Variants in KMT2D observed in about 807,000 individuals in gnomAD.
KMT2D encodes histone-lysine N-methyltransferase 2D.
A neutral mutation model predicts 512.7 loss-of-function variants in KMT2D; 55 were observed. That is an observed-to-expected ratio of 0.11 (90% CI 0.09 to 0.13). The LOEUF is 0.13. Ranked by LOEUF, KMT2D falls within the 10% of genes least tolerant of loss-of-function variation. The pLI, the probability that KMT2D is intolerant of heterozygous loss-of-function variation, is 1.00. For synonymous variants in KMT2D, 2,995 were observed against 2,904.0 expected, an observed-to-expected ratio of 1.03 and a Z score of -1.01; for missense variants, 6,061 against 7,127.9, an observed-to-expected ratio of 0.85 and a Z score of 5.39.
At position 49,050,167 on chromosome 12, in the gene KMT2D, G is replaced by A. The variant is rs1272962159; in HGVS notation, c.3421C>T (p.Pro1141Ser). ...PGSQPEPGQT[P>S]GSLASELKGS... is the part of the protein sequence containing the mutation. ...TTAAGTTCACTAGCCAAACTGCCAG[G>A]GGTCTGTCCAGGCTCTGGCTGTGAA... The change falls in exon 12 of 55, where the codon CCT (proline) becomes TCT (serine). Residue 1141 changes from proline to serine, a missense_variant. Transcript: ENST00000301067. 2 of 1,613,734 alleles carry A rather than the reference G, an allele frequency of 1.2e-6. No individual in the cohort carries two copies. The highest frequency in any genetic ancestry group is 2.2e-5 in the East Asian group (1 of 44,870).
In KMT2D at chr12:49,049,147, C is replaced by T. The variant is rs2120631012; in HGVS notation, c.3978G>A (p.Arg1326=). ...AAGAAGCAGTTGACTTTAGCCGGGC[C>T]CGTCCTCTACCACGTCCTCCATGGG... ...GGAHGGRGRG[R]ARLKSTASSI... Residue 1326 remains arginine, a synonymous_variant, in exon 13 of 55, where the codon CGG becomes CGA. Coordinates refer to ENST00000301067, the MANE Select transcript of KMT2D (RefSeq NM_003482.4). The T allele has an allele frequency of 6.2e-7, 1 of 1,612,032 alleles. No individual in the cohort carries two copies. The highest frequency in any genetic ancestry group is 8.5e-7 in the Non-Finnish European group (1 of 1,178,974).
At chr12:49,035,398 T>A (rs779123292) in intron 35 of KMT2D, among the ~76,000 whole-genome samples, 14 of 152,160 alleles carry the variant, frequency 9.2e-5, no homozygotes, top group Non-Finnish European at 1.6e-4. Context: ...TCCAGAGCTG[T>A]TTTGGGCATC....
At chr12:49,057,592 T>A (rs1313623396) in intron 1 of KMT2D, among the ~76,000 whole-genome samples, 2 of 152,156 alleles carry the variant, frequency 1.3e-5, no homozygotes, top group Admixed American at 6.5e-5. Flanking sequence ...ATACAACTTG[T>A]ACCAAAAATA....
intron 43 of KMT2D, among the ~76,000 whole-genome samples, chr12:49,029,956 T>C (rs567478105): frequency 8.5e-5 from 13 of 152,304 alleles, no homozygotes; most frequent in Admixed American, 3.9e-4. Flanking sequence ...AGTAACACAG[T>C]TGAATGAATG....
intron 6 of KMT2D, 44 bp downstream of exon 6, chr12:49,053,934 T>G: frequency 6.3e-7 from 1 of 1,591,434 alleles, no homozygotes; most frequent in East Asian, 2.2e-5. Context: ...CAAGGCACAT[T>G]TGGTCTCTCA....
At position 49,028,936 on chromosome 12, in the gene KMT2D, A is replaced by G. The variant is rs1164643523; in HGVS notation, c.14274T>C (p.Tyr4758=). ...SIPVFPDTKP[Y]GALGLEVPGK... ...CAGGGACCTCCAGGCCAAGGGCCCC[A>G]TAAGGTTTGGTATCTGGGAAGACTG... is the stretch of plus-strand genomic sequence containing the variant. Residue 4758 remains tyrosine, a synonymous_variant, in exon 46 of 55, where the codon TAT becomes TAC. Coordinates refer to ENST00000301067, the MANE Select transcript of KMT2D (RefSeq NM_003482.4). 4 of 1,613,974 alleles carry G rather than the reference A, an allele frequency of 2.5e-6. No homozygotes were observed. Among genetic ancestry groups the G allele is most frequent in the South Asian group, 1.1e-5 (1 of 91,086 alleles).
In KMT2D at chr12:49,053,558, C is replaced by T. The variant is rs775185224; in HGVS notation, c.757G>A (p.Gly253Arg). Residue 253 changes from glycine to arginine, a missense_variant, in exon 7 of 55, where the codon GGG (glycine) becomes AGG (arginine). Coordinates refer to ENST00000301067, the MANE Select transcript of KMT2D (RefSeq NM_003482.4). ...FCTSCGHHYH[G>R]ACLDTALTAR... ...GTCAGAGCAGTGTCCAGGCAGGCCC[C>T]GTGATAGTGATGCCCACAGCTGGTA... 1.4e-5 allele frequency: 23 copies of T among 1,600,580 alleles called. No individual in the cohort carries two copies. The highest frequency in any genetic ancestry group is 5.4e-5 in the African/African-American group (4 of 74,546).
chr12:49,041,052 T>G lies in KMT2D; in HGVS notation c.6718A>C (p.Thr2240Pro), dbSNP rs766169119. ...PPGTPRHQPS[T>P]PDPFLKPRCP... is the part of the protein sequence containing the mutation. Reference sequence around the variant, plus strand: ...CGGGGTTTGAGGAATGGGTCAGGTGTGGAGGGCTGGTGTCTGGGGGTGCCA... The same window carrying G: ...CGGGGTTTGAGGAATGGGTCAGGTGGGGAGGGCTGGTGTCTGGGGGTGCCA... Residue 2240 changes from threonine (T) to proline (P), a missense_variant, in exon 32 of 55, where the codon ACA becomes CCA. Physicochemically the swap from Thr to Pro is conservative, Grantham distance 38 (BLOSUM62 -1). Transcript: ENST00000301067. The surrounding 1 kb of genome is among the most constrained non-coding windows in gnomAD (Gnocchi z 5.4). 1 of 1,549,404 alleles carries G rather than the reference T, an allele frequency of 6.5e-7. No homozygotes were observed. The highest frequency in any genetic ancestry group is 8.7e-7 in the Non-Finnish European group (1 of 1,148,480).
intron 43 of KMT2D, 104 bp downstream of exon 43, chr12:49,030,176 C>A (rs940129564): frequency 6.1e-6 from 6 of 990,988 alleles, no homozygotes; most frequent in Admixed American, 4.6e-5. Context: ...TGTAAACACA[C>A]AGGACAGCAG....
intron 35 of KMT2D, among the ~76,000 whole-genome samples, chr12:49,036,691 G>T (rs2120471207): frequency 6.6e-6 from 1 of 151,958 alleles, no homozygotes; most frequent in South Asian, 2.1e-4. Flanking sequence ...GTAGAGATGG[G>T]GTTTCATCAT....
In KMT2D at chr12:49,020,532, CCCA is replaced by C. The variant is rs1227356501; in HGVS notation, c.*1245_*1247del. 9.8e-6 allele frequency: 2 copies of C among 205,050 alleles called. No homozygotes were observed. The highest frequency in any genetic ancestry group is 1.5e-4 in the East Asian group (2 of 13,786). The allele number at this position is 205,050 out of a possible 1,614,324, so 12.7% of individuals were successfully genotyped here. A position where few individuals can be genotyped will look rare whatever the true frequency, so the allele number is the denominator to read the frequency against. On this transcript the variant is annotated 3_prime_UTR_variant, in exon 55 of 55. Transcript: ENST00000301067. ...TCACCTCCAGCCGGCTCCCCCATGC[CCCA>C]CAAGACTATGTACAATCCCATGTAT...
Position 49,046,648 on chromosome 12 carries a change from G to A in KMT2D, c.4379C>T (p.Pro1460Leu), listed in dbSNP as rs1262943788. Residue 1460 changes from proline (P) to leucine (L), a missense_variant, in exon 16 of 55, where the codon CCA (proline) becomes CTA (leucine). Transcript: ENST00000301067. This position sits in a 1 kb window ranked among gnomAD's most constrained non-coding sequence, Gnocchi z 4.2. ...ISYHTYCLDP[P>L]LLTVPKGGWK... ...GCCGCCCTTGGGGACGGTGAGCAGT[G>A]GGGGGTCCAGGCAGTATGTGTGGTA... The A allele has an allele frequency of 6.2e-7, 1 of 1,613,680 alleles. No individual in the cohort carries two copies. Among genetic ancestry groups the A allele is most frequent in the Non-Finnish European group, 8.5e-7 (1 of 1,179,706 alleles).
In KMT2D at chr12:49,053,299, T is replaced by A. The variant is rs749467510; in HGVS notation, c.862A>T (p.Met288Leu). 6.2e-7 allele frequency: 1 copy of A among 1,613,930 alleles called. No homozygotes were observed. The highest frequency in any genetic ancestry group is 8.5e-7 in the Non-Finnish European group (1 of 1,179,834). ...ACRKPGNDSK[M>L]LVCETCDKGY... The stretch of plus-strand genomic sequence containing the variant: ...TTGTCACACGTCTCACAAACCAACA[T>A]CTTAGAGTCATTCCCAGGTTTCCTG... The change falls in exon 8 of 55, where the codon ATG becomes TTG. Residue 288 changes from methionine (M) to leucine (L), a missense_variant. By Grantham distance (15) the Met-to-Leu change is conservative. Transcript: ENST00000301067.
At chr12:49,047,478 C>CGT (rs1467690491) in intron 15 of KMT2D, among the ~76,000 whole-genome samples, 1 of 131,352 alleles carries the variant, frequency 7.6e-6, no homozygotes, top group Non-Finnish European at 1.5e-5. Flanking sequence ...AGTACAGTGG[C>CGT]GTGATCTCGG....
chr12:49,025,342 C>T (rs1258933937), intron 49 of KMT2D, among the ~76,000 whole-genome samples: 1 of 152,204 alleles, frequency 6.6e-6, no homozygotes, highest in East Asian at 1.9e-4. Context: ...ATCATATATA[C>T]AACAGTGGTC....
intron 35 of KMT2D, among the ~76,000 whole-genome samples, chr12:49,036,276 T>C (rs1215570262): frequency 6.6e-6 from 1 of 151,970 alleles, no homozygotes. Context: ...TTTCCCACCA[T>C]TGCAGCCTCA....
rs1027933526 is a variant in KMT2D, at chr12:49,033,116, CTGT to C, written c.11586_11588del (p.Gln3863del). Reference sequence around the variant, plus strand: ...CTGCCATGGACCCTTGCTGTTGGTGCTGTTGTTGCTGCTGCTGCTGCTGGGCTG... The same window carrying C: ...CTGCCATGGACCCTTGCTGTTGGTGCTGTTGCTGCTGCTGCTGCTGGGCTG... On this transcript the variant is annotated inframe_deletion, in exon 40 of 55. Transcript: ENST00000301067. 1.9e-6 allele frequency: 3 copies of C among 1,551,498 alleles called. No individual in the cohort carries two copies. Among genetic ancestry groups the C allele is most frequent in the East Asian group, 2.4e-5 (1 of 40,918 alleles).
In KMT2D at chr12:49,022,629, G is replaced by A. The variant is rs975080118; in HGVS notation, c.16299C>T (p.Asn5433=). ...TTTTCTCCCGCCGGTTGGCCACCTC[G>A]TTCCGAATGATGGTGCCAATGTACT... is the stretch of plus-strand genomic sequence containing the variant. The part of the protein sequence containing the change: ...VIEYIGTIIR[N]EVANRREKIY... Residue 5433 remains asparagine (N), a synonymous_variant, in exon 52 of 55, where the codon AAC becomes AAT. Transcript: ENST00000301067. The surrounding 1 kb of genome is among the most constrained non-coding windows in gnomAD (Gnocchi z 8.6). 1.7e-5 allele frequency: 27 copies of A among 1,613,756 alleles called. No homozygotes were observed. The Admixed American group carries it at 1.8e-4, about 11-fold the overall frequency.
At chr12:49,047,572 C>T (rs897165983) in intron 15 of KMT2D, among the ~76,000 whole-genome samples, 15 of 133,370 alleles carry the variant, frequency 1.1e-4, no homozygotes, top group Non-Finnish European at 2.4e-4. Context: ...CACGCGCTAC[C>T]ACACTCAGCT....
Sources: allele counts gnomAD v4.1 joint callset (sites outside exome capture counted in the v4.1 genomes callset), GRCh38; gene constraint gnomAD v4.1.1; non-coding constraint Gnocchi (gnomAD v3.1); transcripts MANE v1.5; gene names NCBI Gene and HGNC (gene_info 2026-07-23, HGNC 2026-07-21).